The following USP15 variants were observed in gnomAD, a reference collection of about 807,000 sequenced individuals.
The protein encoded by USP15 is ubiquitin specific peptidase 15, also known as ubiquitin carboxyl-terminal hydrolase 15.
USP15 carries 18 observed loss-of-function variants against 127.1 expected under a neutral mutation model. The observed-to-expected ratio is 0.14, with a 90% CI of 0.10 to 0.21. The LOEUF is 0.21. USP15 is among the 10% of genes least tolerant of loss of function. USP15 has a pLI of 1.00. For missense variants in USP15, 805 were observed against 1,159.9 expected (o/e 0.69, Z 4.44); for synonymous variants, 364 against 393.7 (o/e 0.92, Z 0.89).
chr12:62,315,855 G>A (rs2064816861), intron 4 of USP15, among the ~76,000 whole-genome samples: 1 of 152,134 alleles, frequency 6.6e-6, no homozygotes, highest in Non-Finnish European at 1.5e-5. Flanking sequence ...TTATGAAATA[G>A]TAGCATTATT....
At position 62,317,571 on chromosome 12, in the gene USP15, A is replaced by G. The variant is rs181516825; in HGVS notation, c.475+2655A>G. Among the ~76,000 whole-genome samples, 350 of 152,314 alleles carry G rather than the reference A, an allele frequency of 2.3e-3. 4 individuals carry two copies. Among genetic ancestry groups the G allele is most frequent in the African/African-American group, 7.6e-3 (318 of 41,588 alleles). On this transcript the variant is annotated intron_variant, in intron 4 of 21. Transcript: ENST00000280377. The stretch of plus-strand genomic sequence containing the variant: ...GTGGGTTTTGAAACACAGAATTTAC[A>G]TAAGGAACTTAAGATGGATATGTAT...
chr12:62,413,927 GAGAT>G lies in USP15; in HGVS notation c.*9553_*9556del, dbSNP rs2068094721. The G allele has an allele frequency of 6.6e-6, 1 of 152,202 alleles. No individual in the cohort carries two copies. The highest frequency in any genetic ancestry group is 1.9e-4 in the East Asian group (1 of 5,196). The allele number at this position is 152,202 out of a possible 1,614,324, so 9.4% of individuals were successfully genotyped here. On this transcript the variant is annotated 3_prime_UTR_variant, in exon 22 of 22. Coordinates refer to ENST00000280377, the MANE Select transcript of USP15 (RefSeq NM_001252078.2). ...ATAGCATTTGATTGAGAGAGAGAGA[GAGAT>G]GTACAGCTCTTCACCTGAACATTTA...
intron 6 of USP15, chr12:62,335,238 T>C: frequency 6.5e-7 from 1 of 1,534,672 alleles, no homozygotes; most frequent in Non-Finnish European, 8.7e-7. Flanking sequence ...GCTAAAGGGC[T>C]CTGGTTATCA....
intron 18 of USP15, among the ~76,000 whole-genome samples, chr12:62,392,608 C>T (rs1054427633): frequency 2.6e-5 from 4 of 151,974 alleles, no homozygotes; most frequent in Non-Finnish European, 5.9e-5. Flanking sequence ...TCATAATAGC[C>T]ATTATACTAT....
At position 62,321,408 on chromosome 12, in the gene USP15, T is replaced by C. The variant is rs2064981657; in HGVS notation, c.476-56T>C. 3.6e-6 allele frequency: 4 copies of C among 1,115,738 alleles called. No homozygotes were observed. The South Asian group carries it at 8.5e-5, about 24-fold the overall frequency. 69.1% of individuals were successfully genotyped at this position (1,115,738 alleles called of 1,614,324 possible). On this transcript the variant is annotated intron_variant, in intron 4 of 21. Transcript: ENST00000280377. ...TTTGTGCTGGTAACATTTAGCTGTA[T>C]GTGGTATATTTTGAAATACATACTA...
At chr12:62,280,060 T>A (rs1283880102) in intron 1 of USP15, among the ~76,000 whole-genome samples, 3 of 152,202 alleles carry the variant, frequency 2.0e-5, no homozygotes, top group Non-Finnish European at 4.4e-5. Flanking sequence ...TAGTACCTAC[T>A]TCATTGGGTA....
At position 62,409,996 on chromosome 12, in the gene USP15, T is replaced by C. The variant is rs2067999600; in HGVS notation, c.*5621T>C. ...CTCCTCTGTTCATGATTAAGTATGCTAAGTTTTAAGTAATTTAGACTAATG... is the reference window on the plus strand; with the variant it reads ...CTCCTCTGTTCATGATTAAGTATGCCAAGTTTTAAGTAATTTAGACTAATG... On this transcript the variant is annotated 3_prime_UTR_variant, in exon 22 of 22. Transcript: ENST00000280377. 6.6e-6 allele frequency: 1 copy of C among 152,160 alleles called. No individual in the cohort carries two copies. The highest frequency in any genetic ancestry group is 2.4e-5 in the African/African-American group (1 of 41,456). 9.4% of individuals were successfully genotyped at this position (152,160 alleles called of 1,614,324 possible). A position where few individuals can be genotyped will look rare whatever the true frequency, so the allele number is the denominator to read the frequency against.
intron 8 of USP15, among the ~76,000 whole-genome samples, chr12:62,365,468 A>G (rs957302343): frequency 6.6e-6 from 1 of 151,868 alleles, no homozygotes; most frequent in Non-Finnish European, 1.5e-5. Flanking sequence ...TGTCAGATGG[A>G]TAGATTGCAA....
chr12:62,264,590 A>G (rs1341930433), intron 1 of USP15, among the ~76,000 whole-genome samples: 2 of 152,354 alleles, frequency 1.3e-5, no homozygotes, highest in East Asian at 3.9e-4. Flanking sequence ...AATAATTGCC[A>G]AAGAATCTGA....
chr12:62,314,764 TG>T (rs767883201), intron 3 of USP15, 25 bp from the exon 4 acceptor site: 1 of 1,514,690 alleles, frequency 6.6e-7, no homozygotes, highest in African/African-American at 1.4e-5. Context: ...TAGGTGACAC[TG>T]ATTTGTTTTG....
chr12:62,378,202 A>G (rs1387863534), intron 8 of USP15, among the ~76,000 whole-genome samples: 5 of 152,182 alleles, frequency 3.3e-5, no homozygotes. Flanking sequence ...GTGAGACTCC[A>G]TCTCAGAACA....
intron 1 of USP15, among the ~76,000 whole-genome samples, chr12:62,279,862 A>T (rs1038317919): frequency 6.6e-6 from 1 of 152,208 alleles, no homozygotes; most frequent in Admixed American, 6.5e-5. Context: ...ATTAGTTTGT[A>T]ATGATGCTTT....
intron 19 of USP15, among the ~76,000 whole-genome samples, chr12:62,394,864 A>G (rs1380338875): frequency 6.6e-6 from 1 of 152,134 alleles, no homozygotes; most frequent in Admixed American, 6.6e-5. Context: ...AAAAAAAAAA[A>G]AAGAATCAGA....
At chr12:62,391,491 G>A (rs1297505936) in intron 16 of USP15, 62 bp downstream of exon 16, 2 of 1,545,918 alleles carry the variant, frequency 1.3e-6, no homozygotes, top group East Asian at 4.6e-5. Flanking sequence ...TTTTTTTTTA[G>A]GTGAAAACCA....
At chr12:62,303,321 T>C (rs1429197267) in intron 3 of USP15, 1 of 152,780 alleles carries the variant, frequency 6.5e-6, no homozygotes, top group Non-Finnish European at 1.5e-5. Flanking sequence ...GCAATGTTTT[T>C]TGGAACATAA....
At chr12:62,286,472 T>G (rs2063788765) in intron 1 of USP15, among the ~76,000 whole-genome samples, 1 of 152,208 alleles carries the variant, frequency 6.6e-6, no homozygotes, top group Non-Finnish European at 1.5e-5. Context: ...AGTTTGGAGA[T>G]TTCTCAAAGA....
Position 62,306,417 on chromosome 12 carries a change from G to A in USP15, c.348+3497G>A, listed in dbSNP as rs74095736. On this transcript the variant is annotated intron_variant, in intron 3 of 21. Transcript: ENST00000280377. ...TTAAAGGGCCTTAAACAAACCGTTA[G>A]TAGATTACTAGACTTTGAGATAGCT... Among the ~76,000 whole-genome samples the A allele has an allele frequency of 4.5e-3, 686 of 152,270 alleles. 6 individuals carry two copies. The highest frequency in any genetic ancestry group is 0.016 in the African/African-American group (665 of 41,554).
At position 62,415,322 on chromosome 12, in the gene USP15, A is replaced by C. The variant is rs923994764; in HGVS notation, c.*10947A>C. 26 of 152,224 alleles carry C rather than the reference A, an allele frequency of 1.7e-4. No homozygotes were observed. Among genetic ancestry groups the C allele is most frequent in the African/African-American group, 5.8e-4 (24 of 41,458 alleles). 9.4% of individuals were successfully genotyped at this position (152,224 alleles called of 1,614,324 possible). A position where few individuals can be genotyped will look rare whatever the true frequency, so the allele number is the denominator to read the frequency against. On this transcript the variant is annotated 3_prime_UTR_variant, in exon 22 of 22. Transcript: ENST00000280377. Reference sequence around the variant, plus strand: ...TTTGTTCTATTCAGGCCTTCAATTCATGAGAGCCACCAACATTAGAGAGGG... The same window carrying C: ...TTTGTTCTATTCAGGCCTTCAATTCCTGAGAGCCACCAACATTAGAGAGGG...
In USP15 at chr12:62,404,449, A is replaced by G. The variant is rs774195268; in HGVS notation, c.*74A>G. ...TATGGAAATGATGAAGTTACCCACC[A>G]CATTAAAACAAAAGTCTGAGATGGG... is the stretch of plus-strand genomic sequence containing the variant. On this transcript the variant is annotated 3_prime_UTR_variant, in exon 22 of 22. Coordinates refer to ENST00000280377, the MANE Select transcript of USP15 (RefSeq NM_001252078.2). The G allele has an allele frequency of 2.1e-6, 3 of 1,434,234 alleles. No homozygotes were observed. The highest frequency in any genetic ancestry group is 2.8e-6 in the Non-Finnish European group (3 of 1,089,242). 88.8% of individuals were successfully genotyped at this position (1,434,234 alleles called of 1,614,324 possible).
Sources: gnomAD v4.1 joint callset for allele counts (sites outside exome capture counted in the v4.1 genomes callset) on GRCh38, gnomAD v4.1.1 for gene constraint, MANE v1.5 for transcripts, NCBI Gene and HGNC (gene_info 2026-07-23, HGNC 2026-07-21) for gene names.